Variants in SLC39A11 observed in about 807,000 individuals in gnomAD.
SLC39A11 encodes zinc transporter ZIP11.
SLC39A11 carries 33 observed loss-of-function variants against 36.1 expected under a neutral mutation model. The ratio of observed to expected loss-of-function variants is 0.91; its 90% confidence interval spans 0.69 to 1.22. The LOEUF is 1.22. SLC39A11 is among the 50% of genes most tolerant of loss of function. SLC39A11 has a pLI of 0.00. For synonymous variants in SLC39A11, 166 were observed against 170.3 expected (o/e 0.97, Z 0.20); for missense variants, 432 against 430.3 (o/e 1.00, Z -0.03).
chr17:73,045,386 TAAAAAAAAAAAA>T (rs374832995), intron 3 of SLC39A11, among the ~76,000 whole-genome samples: 3 of 41,726 alleles, frequency 7.2e-5, no homozygotes, highest in East Asian at 1.0e-3. Flanking sequence ...AAAACAGAGT[TAAAAAAAAAAAA>T]AAAAAAAAAA....
intron 5 of SLC39A11, among the ~76,000 whole-genome samples, chr17:72,870,629 C>T (rs2080560364): frequency 6.6e-6 from 1 of 152,244 alleles, no homozygotes; most frequent in Admixed American, 6.5e-5. Context: ...CCCCTCTCCC[C>T]ATTCCTCTAC....
Position 72,647,503 on chromosome 17 carries a change from G to C in SLC39A11, c.*81C>G. 1 of 1,185,146 alleles carries C rather than the reference G, an allele frequency of 8.4e-7. No homozygotes were observed. The highest frequency in any genetic ancestry group is 1.4e-5 in the South Asian group (1 of 71,710). 73.4% of individuals were successfully genotyped at this position (1,185,146 alleles called of 1,614,324 possible). A position where few individuals can be genotyped will look rare whatever the true frequency, so the allele number is the denominator to read the frequency against. On this transcript the variant is annotated 3_prime_UTR_variant, in exon 10 of 10. Coordinates refer to ENST00000255559, the MANE Select transcript of SLC39A11 (RefSeq NM_139177.4). ...GGAAGGAAAAAAGTTTTAATGTGAAGAAAGAAGCTTGTTGTCCCATAGAAG... is the reference window on the plus strand; with the variant it reads ...GGAAGGAAAAAAGTTTTAATGTGAACAAAGAAGCTTGTTGTCCCATAGAAG...
chr17:72,830,265 G>C lies in SLC39A11; in HGVS notation c.601+19369C>G, dbSNP rs12943829. On this transcript the variant is annotated intron_variant, in intron 6 of 9. Transcript: ENST00000255559. ...CTCCAATTCTTCTGTCCACTGATAC[G>C]CTAGCATAGAGCAGATGTGATCATT... 5.9e-3 allele frequency among the ~76,000 whole-genome samples: 904 copies of C among 152,018 alleles called. 4 individuals carry two copies. Among genetic ancestry groups the C allele is most frequent in the Middle Eastern group, 0.027 (8 of 292 alleles).
chr17:72,840,476 C>T (rs72847933), intron 6 of SLC39A11, among the ~76,000 whole-genome samples: 59,323 of 152,118 alleles, frequency 0.39, 13,820 homozygotes, highest in Non-Finnish European at 0.51. Context: ...GAAAATTAGG[C>T]GGCTGGGAGT....
rs12603688 is a variant in SLC39A11 at position 73,074,094 on chromosome 17, T to C, written c.147+10714A>G. Among the ~76,000 whole-genome samples, 78 of 150,914 alleles carry C rather than the reference T, an allele frequency of 5.2e-4. No individual in the cohort carries two copies. The East Asian group carries it at 0.013, about 24-fold the overall frequency. On this transcript the variant is annotated intron_variant, in intron 3 of 9. Transcript: ENST00000255559. ...CAATTATTAATTTCTCAATCCAGGA[T>C]CTATAGAGGATTTAATTATTGAGAA...
At chr17:72,809,339 G>A (rs538440213) in intron 6 of SLC39A11, among the ~76,000 whole-genome samples, 31 of 152,076 alleles carry the variant, frequency 2.0e-4, no homozygotes, top group South Asian at 4.2e-4. Flanking sequence ...GTACAGGAGC[G>A]GCAATTGTTC....
At chr17:72,784,324 A>G (rs374888622) in intron 6 of SLC39A11, among the ~76,000 whole-genome samples, 22 of 152,202 alleles carry the variant, frequency 1.4e-4, no homozygotes, top group African/African-American at 3.1e-4. Context: ...CAGCCTGGGC[A>G]AGAGAGAGAG....
intron 4 of SLC39A11, among the ~76,000 whole-genome samples, chr17:72,957,979 CA>C (rs748686230): frequency 4.6e-5 from 7 of 152,152 alleles, no homozygotes; most frequent in Non-Finnish European, 1.0e-4. Context: ...GGCGAAAGAG[CA>C]AAACTCCGTC....
At chr17:72,804,144 C>G (rs1043675750) in intron 6 of SLC39A11, among the ~76,000 whole-genome samples, 11 of 152,074 alleles carry the variant, frequency 7.2e-5, no homozygotes, top group African/African-American at 2.7e-4. Flanking sequence ...TACAGGCGCC[C>G]GCCACCACGT....
chr17:73,041,344 G>A (rs1037361204), intron 3 of SLC39A11, among the ~76,000 whole-genome samples: 1 of 152,212 alleles, frequency 6.6e-6, no homozygotes, highest in Non-Finnish European at 1.5e-5. Flanking sequence ...TGCCACCTGG[G>A]GCTGAAGGAA....
At chr17:72,715,123 C>T (rs1446360854) in intron 7 of SLC39A11, among the ~76,000 whole-genome samples, 1 of 152,198 alleles carries the variant, frequency 6.6e-6, no homozygotes, top group Admixed American at 6.5e-5. Context: ...CTGCATACAT[C>T]TCATGCACCC....
intron 4 of SLC39A11, among the ~76,000 whole-genome samples, chr17:72,965,962 C>T (rs2086942392): frequency 6.6e-6 from 1 of 152,220 alleles, no homozygotes. Context: ...AAAAAAGACA[C>T]CAACTCCCAT....
At chr17:73,035,499 C>G (rs1376885398) in intron 3 of SLC39A11, among the ~76,000 whole-genome samples, 4 of 152,112 alleles carry the variant, frequency 2.6e-5, no homozygotes, top group African/African-American at 9.7e-5. Context: ...ATGCCTAAAA[C>G]CTGTGAATAT....
chr17:72,932,358 T>C (rs780587064), intron 5 of SLC39A11, among the ~76,000 whole-genome samples: 35 of 149,322 alleles, frequency 2.3e-4, no homozygotes, highest in African/African-American at 3.6e-4. Context: ...TTTTGTTACA[T>C]AGGTATACAC....
intron 3 of SLC39A11, among the ~76,000 whole-genome samples, chr17:73,036,444 T>G (rs538895301): frequency 1.3e-4 from 11 of 83,642 alleles, no homozygotes; most frequent in Admixed American, 2.5e-4. Context: ...TTGTTTTTTG[T>G]TTTTTTTCTT....
intron 5 of SLC39A11, among the ~76,000 whole-genome samples, chr17:72,879,184 G>A (rs1418275223): frequency 6.6e-6 from 1 of 152,184 alleles, no homozygotes; most frequent in Admixed American, 6.5e-5. Flanking sequence ...TTGCCCTTTG[G>A]GTTTTTTATG....
intron 3 of SLC39A11, among the ~76,000 whole-genome samples, chr17:73,035,882 A>T (rs1481054632): frequency 1.3e-5 from 2 of 151,290 alleles, no homozygotes; most frequent in East Asian, 1.9e-4. Context: ...AAAAAAAAAA[A>T]AAAAAGAAGG....
intron 5 of SLC39A11, among the ~76,000 whole-genome samples, chr17:72,886,166 G>T (rs913427848): frequency 6.6e-5 from 10 of 152,140 alleles, no homozygotes; most frequent in African/African-American, 2.4e-4. Flanking sequence ...GAGGACCCTG[G>T]TGCTCGGTCC....
At chr17:72,709,078 G>A (rs1002067418) in intron 7 of SLC39A11, among the ~76,000 whole-genome samples, 1 of 152,056 alleles carries the variant, frequency 6.6e-6, no homozygotes, top group African/African-American at 2.4e-5. Flanking sequence ...TGGGACTACA[G>A]GCGCCTGCCA....
Sources: gnomAD v4.1 joint callset for allele counts (sites outside exome capture counted in the v4.1 genomes callset) on GRCh38, gnomAD v4.1.1 for gene constraint, MANE v1.5 for transcripts, NCBI Gene and HGNC (gene_info 2026-07-23, HGNC 2026-07-21) for gene names.